The following CYSLTR2 variants were observed in gnomAD, a reference collection of about 807,000 sequenced individuals.
The protein encoded by CYSLTR2 is cysteinyl leukotriene receptor 2, also known as G-protein coupled receptor GPCR21.
For missense variants in CYSLTR2, 398 were observed against 411.9 expected (o/e 0.97, Z 0.29); for synonymous variants, 179 against 160.8 (o/e 1.11, Z -0.86).
At chr13:48,674,935 C>G (rs747540433) in intron 1 of CYSLTR2, among the ~76,000 whole-genome samples, 3 of 152,186 alleles carry the variant, frequency 2.0e-5, no homozygotes, top group Non-Finnish European at 4.4e-5. Flanking sequence ...CCCCGTTTGC[C>G]TGGGTATCAC....
At chr13:48,660,481 G>T (rs1245354354) in intron 1 of CYSLTR2, among the ~76,000 whole-genome samples, 2 of 152,108 alleles carry the variant, frequency 1.3e-5, no homozygotes, top group East Asian at 3.8e-4. Flanking sequence ...TGGGTGACCG[G>T]GTAGAGGAAA....
At position 48,701,028 on chromosome 13, in the gene CYSLTR2, C is replaced by T. The variant is rs576936260; in HGVS notation, c.-2+4402C>T. 2.3e-4 allele frequency among the ~76,000 whole-genome samples: 34 copies of T among 150,714 alleles called. 1 individual carries two copies. The highest frequency in any genetic ancestry group is 2.2e-3 in the East Asian group (11 of 5,104). ...AAGAGGACACAAACAAATGGAAGAA[C>T]ATTCAATATTGTGAAAATGGCCATA... On this transcript the variant is annotated intron_variant, in intron 4 of 4. Coordinates refer to ENST00000682523, the MANE Select transcript of CYSLTR2 (RefSeq NM_001308476.3).
intron 1 of CYSLTR2, among the ~76,000 whole-genome samples, chr13:48,688,046 A>G (rs906751693): frequency 2.0e-5 from 3 of 152,218 alleles, no homozygotes; most frequent in East Asian, 3.9e-4. Context: ...GTTCTTACCC[A>G]GGATAGGCCC....
At chr13:48,689,198 C>T (rs1049303366) in intron 1 of CYSLTR2, among the ~76,000 whole-genome samples, 1 of 152,094 alleles carries the variant, frequency 6.6e-6, no homozygotes. Context: ...TTCTCCCATT[C>T]TGTAGGTTGC....
chr13:48,694,193 C>T (rs1476594870), intron 3 of CYSLTR2, among the ~76,000 whole-genome samples: 1 of 152,080 alleles, frequency 6.6e-6, no homozygotes, highest in African/African-American at 2.4e-5. Context: ...AACAGTAGTT[C>T]TCAAGCTCAC....
At chr13:48,705,402 T>C (rs887894085) in intron 4 of CYSLTR2, among the ~76,000 whole-genome samples, 1 of 152,084 alleles carries the variant, frequency 6.6e-6, no homozygotes, top group African/African-American at 2.4e-5. Context: ...AGACTACTTA[T>C]ATTTAATGTA....
At chr13:48,673,128 G>A (rs1414498251) in intron 1 of CYSLTR2, among the ~76,000 whole-genome samples, 1 of 152,120 alleles carries the variant, frequency 6.6e-6, no homozygotes, top group Non-Finnish European at 1.5e-5. Context: ...GGTCCACTTG[G>A]TCCAGAGCTG....
At chr13:48,656,076 TA>T (rs67558969) in intron 1 of CYSLTR2, among the ~76,000 whole-genome samples, 5 of 152,026 alleles carry the variant, frequency 3.3e-5, no homozygotes, top group South Asian at 2.1e-4. Flanking sequence ...TCAAGAAAGA[TA>T]AAAAAACCAT....
At chr13:48,704,918 T>A (rs1448753904) in intron 4 of CYSLTR2, among the ~76,000 whole-genome samples, 1 of 152,250 alleles carries the variant, frequency 6.6e-6, no homozygotes, top group Non-Finnish European at 1.5e-5. Context: ...AGTATTCTGC[T>A]TTTGTTGGGT....
chr13:48,669,103 A>T (rs1953348037), intron 1 of CYSLTR2, among the ~76,000 whole-genome samples: 1 of 152,156 alleles, frequency 6.6e-6, no homozygotes, highest in Non-Finnish European at 1.5e-5. Flanking sequence ...AGAATAATTT[A>T]TAATCCCTTG....
At chr13:48,695,308 T>C (rs1004452574) in intron 3 of CYSLTR2, among the ~76,000 whole-genome samples, 13 of 151,468 alleles carry the variant, frequency 8.6e-5, no homozygotes, top group African/African-American at 2.9e-4. Flanking sequence ...TTCTTCTTTC[T>C]TTCTCTCTCT....
chr13:48,672,693 C>CAA, intron 1 of CYSLTR2, among the ~76,000 whole-genome samples: 1 of 149,242 alleles, frequency 6.7e-6, no homozygotes, highest in East Asian at 2.0e-4. Flanking sequence ...TTTCAGCTCA[C>CAA]TGCAACCTCC....
rs1442273656 is a variant in CYSLTR2, at chr13:48,709,650, A to G, written c.*1792A>G. 1 of 152,208 alleles carries G rather than the reference A, an allele frequency of 6.6e-6. No homozygotes were observed. Among genetic ancestry groups the G allele is most frequent in the East Asian group, 1.9e-4 (1 of 5,202 alleles). 9.4% of individuals were successfully genotyped at this position (152,208 alleles called of 1,614,324 possible). A position where few individuals can be genotyped will look rare whatever the true frequency, so the allele number is the denominator to read the frequency against. ...TTATGAAAAGTAGTCAATGAACACA[A>G]TACATTTGAGGGAAAGGCCGTAACA... is the stretch of plus-strand genomic sequence containing the variant. On this transcript the variant is annotated 3_prime_UTR_variant, in exon 5 of 5. Coordinates refer to ENST00000682523, the MANE Select transcript of CYSLTR2 (RefSeq NM_001308476.3).
intron 4 of CYSLTR2, among the ~76,000 whole-genome samples, chr13:48,704,705 G>A (rs1954437683): frequency 6.6e-6 from 1 of 151,854 alleles, no homozygotes; most frequent in South Asian, 2.1e-4. Flanking sequence ...TTGACCCATG[G>A]ATTATTCAGA....
intron 1 of CYSLTR2, among the ~76,000 whole-genome samples, chr13:48,674,719 T>A (rs1415971911): frequency 6.6e-6 from 1 of 152,248 alleles, no homozygotes; most frequent in Non-Finnish European, 1.5e-5. Flanking sequence ...TTTTGGAATT[T>A]GGGGCATTTT....
chr13:48,666,668 G>A (rs924015186), intron 1 of CYSLTR2, among the ~76,000 whole-genome samples: 12 of 151,682 alleles, frequency 7.9e-5, no homozygotes, highest in African/African-American at 2.9e-4. Context: ...TTTCTTCTTG[G>A]CCAGTCTGTT....
At chr13:48,670,221 G>A (rs992129415) in intron 1 of CYSLTR2, among the ~76,000 whole-genome samples, 1 of 152,158 alleles carries the variant, frequency 6.6e-6, no homozygotes. Context: ...CTCCCATTCT[G>A]TAGGTTGCCT....
chr13:48,682,928 G>A lies in CYSLTR2; in HGVS notation c.-265-8284G>A, dbSNP rs371033723. ...CAGTGTCTGTTGTTCTTCTCTTTGT[G>A]TCCATCTGTTCTCATAATTTAGCTC... On this transcript the variant is annotated intron_variant, in intron 1 of 4. Transcript: ENST00000682523. Among the ~76,000 whole-genome samples the A allele has an allele frequency of 3.9e-5, 6 of 152,194 alleles. No homozygotes were observed. In the East Asian group the frequency reaches 7.7e-4, roughly 20 times the overall value.
chr13:48,706,994 CAT>C lies in CYSLTR2; in HGVS notation c.182_183del (p.Tyr61CysfsTer7). 1 of 1,614,052 alleles carries C rather than the reference CAT, an allele frequency of 6.2e-7. No individual in the cohort carries two copies. Among genetic ancestry groups the C allele is most frequent in the Non-Finnish European group, 8.5e-7 (1 of 1,180,004 alleles). Reference protein sequence around the residue: ...FWGVLGNGLSIYVFLQPYKKS... With the variant: ...FWGVLGNGLSXYVFLQPYKKS... Reference sequence around the variant, plus strand: ...GGGGAGTCTTGGGAAATGGGTTGTCCATATATGTTTTCCTGCAGCCTTATAAG... The same window carrying C: ...GGGGAGTCTTGGGAAATGGGTTGTCCATATGTTTTCCTGCAGCCTTATAAG... On this transcript the variant is annotated frameshift_variant, in exon 5 of 5. Coordinates refer to ENST00000682523, the MANE Select transcript of CYSLTR2 (RefSeq NM_001308476.3). LOFTEE classifies it low-confidence loss of function (END_TRUNC).
Sources: allele counts gnomAD v4.1 joint callset (sites outside exome capture counted in the v4.1 genomes callset), GRCh38; gene constraint gnomAD v4.1.1; transcripts MANE v1.5; gene names NCBI Gene and HGNC (gene_info 2026-07-23, HGNC 2026-07-21).